The following DISP3 variants were observed in gnomAD, a reference collection of about 807,000 sequenced individuals.
The protein encoded by DISP3 is protein dispatched homolog 3.
DISP3 carries 101 observed loss-of-function variants against 135.3 expected under a neutral mutation model. The ratio of observed to expected loss-of-function variants is 0.75; its 90% CI spans 0.64 to 0.88. DISP3 has a LOEUF of 0.88. Ranked by LOEUF, DISP3 falls within the 40% of genes least tolerant of loss-of-function variation. DISP3 has a pLI of 0.00. For missense variants in DISP3, 1,713 were observed against 1,878.6 expected (o/e 0.91, Z 1.63); for synonymous variants, 856 against 817.0 (o/e 1.05, Z -0.81).
rs767804071 is a variant in DISP3 at position 11,517,489 on chromosome 1, G to A, written c.1776G>A (p.Leu592=). ...TCCCAGCCGTCCACGACTTTGGCCT[G>A]TTCATGTCTCTCATCGTGTCCTGTT... ...SQIPAVHDFG[L]FMSLIVSCCW... The change falls in exon 7 of 21, where the codon CTG becomes CTA. Residue 592 remains leucine, a synonymous_variant. Coordinates refer to ENST00000294484, the MANE Select transcript of DISP3 (RefSeq NM_020780.2). 5 of 1,614,108 alleles carry A rather than the reference G, an allele frequency of 3.1e-6. No individual in the cohort carries two copies. The South Asian group carries it at 3.3e-5, about 11-fold the overall frequency.
intron 3 of DISP3, among the ~76,000 whole-genome samples, chr1:11,512,057 G>A (rs879406327): frequency 7.2e-5 from 11 of 152,164 alleles, no homozygotes; most frequent in East Asian, 1.9e-4. Context: ...TGCACACAGC[G>A]TGGGGACCCT....
rs1570148796 is a variant in DISP3 at position 11,531,044 on chromosome 1, T to C, written c.3229+11T>C. 6.2e-7 allele frequency: 1 copy of C among 1,611,664 alleles called. No individual in the cohort carries two copies. On this transcript the variant is annotated intron_variant, in intron 16 of 20. Transcript: ENST00000294484. The surrounding 1 kb of genome is among the most constrained non-coding windows in gnomAD (Gnocchi z 5.2). ...AGTGCCTGCCTTCAGGTGCGTGGGG[T>C]GTGGGGAGCTGGTTCCTCCGAGGGA...
At chr1:11,494,538 G>A (rs12129875) in intron 1 of DISP3, among the ~76,000 whole-genome samples, 25,290 of 152,192 alleles carry the variant, frequency 0.17, 3,576 homozygotes, top group African/African-American at 0.39. Context: ...GTATCAGGAC[G>A]TAGGACAGTG....
chr1:11,536,356 G>A lies in DISP3; in HGVS notation c.3849G>A (p.Leu1283=), dbSNP rs1642705633. The change falls in exon 21 of 21, where the codon CTG becomes CTA. Residue 1283 remains leucine (L), a synonymous_variant. Transcript: ENST00000294484. The surrounding 1 kb of genome is among the most constrained non-coding windows in gnomAD (Gnocchi z 4.3). ...DARTQRQWRT[L]EAVRHVGVAI... ...GAACGCAGCGCCAGTGGCGTACGCT[G>A]GAGGCCGTGCGGCACGTGGGCGTGG... 1.2e-6 allele frequency: 2 copies of A among 1,605,730 alleles called. No homozygotes were observed. The highest frequency in any genetic ancestry group is 3.3e-5 in the Admixed American group (2 of 60,006).
rs1641981457 is a variant in DISP3, at chr1:11,515,407, A to G, written c.1492A>G (p.Ser498Gly). ...CTTTGGGATTGCCAGCATTGGTCTC[A>G]GCTGCCTGGTGGCCCTCTTCCTGTA... ...SFFGIASIGLSCLVALFLYHV... is the reference protein window; with the variant it reads ...SFFGIASIGLGCLVALFLYHV... Residue 498 changes from serine (S) to glycine (G), a missense_variant, in exon 5 of 21, where the codon AGC becomes GGC. By Grantham distance (56) the Ser-to-Gly change is moderately conservative. Around this residue, in one of 2 missense-constraint regions of DISP3, gnomAD observed 1,142 missense variants for 1,384.6 expected, o/e 0.82. Transcript: ENST00000294484. 6.2e-7 allele frequency: 1 copy of G among 1,614,188 alleles called. No individual in the cohort carries two copies. The highest frequency in any genetic ancestry group is 8.5e-7 in the Non-Finnish European group (1 of 1,180,002).
At chr1:11,503,494 A>G (rs896823732) in intron 3 of DISP3, among the ~76,000 whole-genome samples, 10 of 152,340 alleles carry the variant, frequency 6.6e-5, no homozygotes, top group Admixed American at 6.5e-5. Context: ...GACTGCTGGC[A>G]TAAGTCCTGG....
chr1:11,504,426 A>C (rs1212633610), intron 3 of DISP3, among the ~76,000 whole-genome samples: 4 of 152,230 alleles, frequency 2.6e-5, no homozygotes, highest in Non-Finnish European at 5.9e-5. Flanking sequence ...GCTCCTATTC[A>C]TCTATTAAGA....
chr1:11,520,724 CG>C lies in DISP3; in HGVS notation c.2239del (p.Ala747ProfsTer30). Reference protein sequence around the residue: ...VSILILSLVFASRLRPASRAP... With the variant: ...VSILILSLVFXSRLRPASRAP... ...CCATCCTCATCTTGTCCCTGGTGTT[CG>C]CCAGCCGGCTCCGCCCCGCCAGCCG... On this transcript the variant is annotated frameshift_variant, in exon 10 of 21. Transcript: ENST00000294484. LOFTEE classifies it high-confidence loss of function. This position sits in a 1 kb window ranked among gnomAD's most constrained non-coding sequence, Gnocchi z 4.8. 6.2e-7 allele frequency: 1 copy of C among 1,613,200 alleles called. No individual in the cohort carries two copies. Among genetic ancestry groups the C allele is most frequent in the Non-Finnish European group, 8.5e-7 (1 of 1,179,960 alleles).
At position 11,519,245 on chromosome 1, in the gene DISP3, C is replaced by A; in HGVS notation, c.1890-110C>A. ...TCTGGGGTGCTCATCCTGTGTGTGA[C>A]GTCAGCAGCACTGTGATACCTGGGT... is the stretch of plus-strand genomic sequence containing the variant. On this transcript the variant is annotated intron_variant, in intron 7 of 20. Transcript: ENST00000294484. The surrounding 1 kb of genome is among the most constrained non-coding windows in gnomAD (Gnocchi z 4.3). The A allele has an allele frequency of 3.1e-6, 4 of 1,304,734 alleles. No homozygotes were observed. The highest frequency in any genetic ancestry group is 4.2e-6 in the Non-Finnish European group (4 of 942,390). The allele number at this position is 1,304,734 out of a possible 1,614,324, so 80.8% of individuals were successfully genotyped here. A position where few individuals can be genotyped will look rare whatever the true frequency, so the allele number is the denominator to read the frequency against.
chr1:11,501,007 T>C lies in DISP3; in HGVS notation c.15T>C (p.Asp5=). MDTE[D]DPLLQDVWLE... is the part of the protein sequence containing the mutation. ...TCCTGCAGACTATGGACACGGAGGA[T>C]GACCCCTTGCTGCAGGATGTGTGGC... Residue 5 remains aspartate, a synonymous_variant, in exon 2 of 21, where the codon GAT becomes GAC. Coordinates refer to ENST00000294484, the MANE Select transcript of DISP3 (RefSeq NM_020780.2). This position sits in a 1 kb window ranked among gnomAD's most constrained non-coding sequence, Gnocchi z 4.9. The C allele has an allele frequency of 1.2e-6, 2 of 1,614,012 alleles. No individual in the cohort carries two copies. Among genetic ancestry groups the C allele is most frequent in the Non-Finnish European group, 1.7e-6 (2 of 1,180,006 alleles).
intron 10 of DISP3, among the ~76,000 whole-genome samples, chr1:11,522,989 A>AG (rs1570132326): frequency 6.6e-6 from 1 of 152,028 alleles, no homozygotes; most frequent in Admixed American, 6.6e-5. Context: ...GAGCCCAGCC[A>AG]GAGCCCAGCC....
At chr1:11,496,110 CG>C (rs112651690) in intron 1 of DISP3, among the ~76,000 whole-genome samples, 34 of 150,094 alleles carry the variant, frequency 2.3e-4, no homozygotes, top group East Asian at 2.0e-3. Context: ...TATAGATGTG[CG>C]TTTTTTTTTT....
rs1248807960 is a variant in DISP3, at chr1:11,514,440, G to A, written c.1367G>A (p.Arg456His). 8.1e-6 allele frequency: 13 copies of A among 1,613,622 alleles called. No individual in the cohort carries two copies. The highest frequency in any genetic ancestry group is 1.1e-5 in the South Asian group (1 of 91,070). Reference sequence around the variant, plus strand: ...ACAGACCTGTTTGACTATGAAGTGCGCAGGACGTTCAACAATGACATGCTC... The same window carrying A: ...ACAGACCTGTTTGACTATGAAGTGCACAGGACGTTCAACAATGACATGCTC... The part of the protein sequence containing the change: ...GGTDLFDYEV[R>H]RTFNNDMLLA... Residue 456 changes from arginine to histidine, a missense_variant, in exon 4 of 21, where the codon CGC becomes CAC. Arg to His is a conservative substitution (Grantham distance 29). Transcript: ENST00000294484.
At position 11,529,600 on chromosome 1, in the gene DISP3, G is replaced by A. The variant is rs12096312; in HGVS notation, c.2843G>A (p.Arg948His). Reference protein sequence around the residue: ...AQSHKPPFHGRVCMAPPGCLL... With the variant: ...AQSHKPPFHGHVCMAPPGCLL... ...TCCCACAAGCCCCCCTTCCACGGGC[G>A]CGTATGCATGGCACCCCCTGGCTGC... The change falls in exon 14 of 21, where the codon CGC (arginine) becomes CAC (histidine). Residue 948 changes from arginine (R) to histidine (H), a missense_variant. Physicochemically the swap from Arg to His is conservative, Grantham distance 29 (BLOSUM62 0). Around this residue, in one of 2 missense-constraint regions of DISP3, gnomAD observed 1,142 missense variants for 1,384.6 expected, o/e 0.82. Transcript: ENST00000294484. The surrounding 1 kb of genome is among the most constrained non-coding windows in gnomAD (Gnocchi z 4.7). The A allele has an allele frequency of 2.1e-5, 34 of 1,606,326 alleles. No homozygotes were observed. Among genetic ancestry groups the A allele is most frequent in the Middle Eastern group, 3.3e-4 (2 of 6,064 alleles).
chr1:11,504,093 T>G (rs777415545), intron 3 of DISP3, among the ~76,000 whole-genome samples: 29 of 152,210 alleles, frequency 1.9e-4, no homozygotes, highest in Non-Finnish European at 3.7e-4. Context: ...TTCCTTCCAC[T>G]GCTTATCCTT....
At chr1:11,486,211 G>GA (rs1211227917) in intron 1 of DISP3, among the ~76,000 whole-genome samples, 1 of 152,144 alleles carries the variant, frequency 6.6e-6, no homozygotes, top group East Asian at 1.9e-4. Flanking sequence ...GCACCCCTCT[G>GA]GACATGATCG....
rs745349361 is a variant in DISP3, at chr1:11,501,652, C to T, written c.660C>T (p.Asp220=). 5 of 1,609,286 alleles carry T rather than the reference C, an allele frequency of 3.1e-6. No individual in the cohort carries two copies. The South Asian group carries it at 4.4e-5, about 14-fold the overall frequency. The change falls in exon 2 of 21, where the codon GAC becomes GAT. Residue 220 remains aspartate, a synonymous_variant. Transcript: ENST00000294484. This position sits in a 1 kb window ranked among gnomAD's most constrained non-coding sequence, Gnocchi z 4.9. ...ATCTGGCAGCCAACCAGAGTGAAGACCCGCGAAACCAGCGGCTGAGCAAGA... is the reference window on the plus strand; with the variant it reads ...ATCTGGCAGCCAACCAGAGTGAAGATCCGCGAAACCAGCGGCTGAGCAAGA... ...LEDLAANQSE[D]PRNQRLSKNG...
rs1443177006 is a variant in DISP3, at chr1:11,491,019, G to A, written c.-3-9971G>A. 6.6e-6 allele frequency among the ~76,000 whole-genome samples: 1 copy of A among 152,158 alleles called. No homozygotes were observed. The highest frequency in any genetic ancestry group is 1.5e-5 in the Non-Finnish European group (1 of 68,024). ...GCTATTTGGCAGATCTGGGTGTGCTGTTTGTATCCCCCTGTCTGGCTGGCC... is the reference window on the plus strand; with the variant it reads ...GCTATTTGGCAGATCTGGGTGTGCTATTTGTATCCCCCTGTCTGGCTGGCC... On this transcript the variant is annotated intron_variant, in intron 1 of 20. Coordinates refer to ENST00000294484, the MANE Select transcript of DISP3 (RefSeq NM_020780.2). The surrounding 1 kb of genome is among the most constrained non-coding windows in gnomAD (Gnocchi z 4.3).
rs1570114431 is a variant in DISP3 at position 11,516,155 on chromosome 1, C to T, written c.1743C>T (p.Phe581=). Residue 581 remains phenylalanine, a synonymous_variant, in exon 6 of 21, where the codon TTC becomes TTT. Transcript: ENST00000294484. The surrounding 1 kb of genome is among the most constrained non-coding windows in gnomAD (Gnocchi z 5.1). ...TTAAAYAANV[F]SQIPAVHDFG... ...CCGCCGCCTACGCAGCTAACGTCTT[C>T]TCCCAGGTGCGGACCTGTCCTCCAT... 27 of 1,613,760 alleles carry T rather than the reference C, an allele frequency of 1.7e-5. No individual in the cohort carries two copies. The highest frequency in any genetic ancestry group is 3.3e-4 in the Middle Eastern group (2 of 6,062).
Sources: gnomAD v4.1 joint callset for allele counts (sites outside exome capture counted in the v4.1 genomes callset) on GRCh38, gnomAD v4.1.1 for gene constraint, gnomAD v4.1.1 regional missense constraint, Gnocchi (gnomAD v3.1) non-coding constraint, MANE v1.5 for transcripts, NCBI Gene and HGNC (gene_info 2026-07-23, HGNC 2026-07-21) for gene names.